ARHGEF10L: variants seen among roughly 807,000 people sequenced by gnomAD.
ARHGEF10L encodes rho guanine nucleotide exchange factor 10-like protein.
Under a neutral mutation model 141.2 loss-of-function variants are expected in ARHGEF10L, and 69 were observed. The observed-to-expected ratio is 0.49, with a 90% CI of 0.40 to 0.60. The LOEUF is 0.60. ARHGEF10L is among the 20% of genes least tolerant of loss of function. The pLI is 0.00. For missense variants in ARHGEF10L, 1,482 were observed against 1,734.3 expected (o/e 0.85, Z 2.58); for synonymous variants, 711 against 718.5 (o/e 0.99, Z 0.17).
chr1:17,695,042 T>C (rs192774896), intron 27 of ARHGEF10L, 116 bp from the exon 28 acceptor site: 1 of 1,507,618 alleles, frequency 6.6e-7, no homozygotes, highest in East Asian at 2.3e-5. Context: ...ACCGCCCAAC[T>C]TCTTGCTGGT....
At chr1:17,591,408 ATTTTTTTTTT>A (rs35249582) in intron 4 of ARHGEF10L, among the ~76,000 whole-genome samples, 4 of 121,208 alleles carry the variant, frequency 3.3e-5, no homozygotes, top group African/African-American at 1.3e-4. Context: ...ATGCCTGGCT[ATTTTTTTTTT>A]TTTTTTTTTT....
rs370922381 is a variant in ARHGEF10L at position 17,646,606 on chromosome 1, CGAA to C, written c.2273-1942_2273-1940del. ...TGCACACGTGCACATGTGCACACAA[CGAA>C]GAAGAGCCACACTGGTGGAGGAGCA... On this transcript the variant is annotated intron_variant, in intron 21 of 28. Transcript: ENST00000361221. Among the ~76,000 whole-genome samples, 20 of 152,150 alleles carry C rather than the reference CGAA, an allele frequency of 1.3e-4. No individual in the cohort carries two copies. The East Asian group carries it at 2.1e-3, about 16-fold the overall frequency.
chr1:17,633,520 T>A (rs892074622), intron 16 of ARHGEF10L, among the ~76,000 whole-genome samples: 48 of 151,968 alleles, frequency 3.2e-4, no homozygotes, highest in Admixed American at 1.4e-3. Flanking sequence ...ATTTTTTTTT[T>A]AATTGTATTT....
chr1:17,588,748 A>G (rs1014114320), intron 4 of ARHGEF10L, among the ~76,000 whole-genome samples: 2 of 151,888 alleles, frequency 1.3e-5, no homozygotes, highest in Non-Finnish European at 2.9e-5. Context: ...GGAGTCACAG[A>G]AACTCTCCAA....
intron 1 of ARHGEF10L, among the ~76,000 whole-genome samples, chr1:17,568,428 G>A (rs543708339): frequency 3.0e-4 from 46 of 152,316 alleles, no homozygotes; most frequent in African/African-American, 8.2e-4. Flanking sequence ...CGAGCACAGA[G>A]CTCAGTCTCC....
intron 4 of ARHGEF10L, among the ~76,000 whole-genome samples, chr1:17,598,939 G>A (rs2080370077): frequency 6.6e-6 from 1 of 152,120 alleles, no homozygotes; most frequent in African/African-American, 2.4e-5. Context: ...TAAGATCCCA[G>A]CTCCCACTAA....
chr1:17,696,045 A>AAAAAAT (rs554533744), intron 28 of ARHGEF10L, among the ~76,000 whole-genome samples: 1,546 of 152,050 alleles, frequency 0.01, 37 homozygotes, highest in African/African-American at 0.035. Flanking sequence ...AAAAAATAAA[A>AAAAAAT]AAAAATAAAA....
chr1:17,622,941 G>A, intron 11 of ARHGEF10L, 55 bp from the exon 12 acceptor site: 1 of 1,561,084 alleles, frequency 6.4e-7, no homozygotes, highest in East Asian at 2.2e-5. Flanking sequence ...CATGAGGGCA[G>A]GTAGGGAGAG....
rs565019612 is a variant in ARHGEF10L at position 17,621,659 on chromosome 1, C to T, written c.943-205C>T. On this transcript the variant is annotated intron_variant, in intron 10 of 28. Coordinates refer to ENST00000361221, the MANE Select transcript of ARHGEF10L (RefSeq NM_018125.4). The surrounding 1 kb of genome is among the most constrained non-coding windows in gnomAD (Gnocchi z 4.1). ...CTTTCCCTGGGATGTGCCCTTCCTC[C>T]TCCATTCTGTAGCCAGGCAGCAGGG... Among the ~76,000 whole-genome samples, 2 of 152,332 alleles carry T rather than the reference C, an allele frequency of 1.3e-5. No homozygotes were observed. Among genetic ancestry groups the T allele is most frequent in the South Asian group, 4.1e-4 (2 of 4,824 alleles).
intron 1 of ARHGEF10L, among the ~76,000 whole-genome samples, chr1:17,566,164 G>C (rs2077747263): frequency 6.6e-6 from 1 of 152,166 alleles, no homozygotes; most frequent in Non-Finnish European, 1.5e-5. Context: ...CTCTGATCCG[G>C]GTTTCCCAAC....
rs149623436 is a variant in ARHGEF10L at position 17,558,304 on chromosome 1, C to T, written c.-44+18354C>T. ...ACCCACCCGCCCATTTATTCACCCA[C>T]TCATCCACCCATCATCTCTTGAATC... On this transcript the variant is annotated intron_variant, in intron 1 of 28. Transcript: ENST00000361221. This position sits in a 1 kb window ranked among gnomAD's most constrained non-coding sequence, Gnocchi z 4.2. Among the ~76,000 whole-genome samples, 258 of 152,332 alleles carry T rather than the reference C, an allele frequency of 1.7e-3. No individual in the cohort carries two copies. The highest frequency in any genetic ancestry group is 3.0e-3 in the Non-Finnish European group (205 of 68,032).
At chr1:17,525,831 C>T in the ARHGEF10L span, among the ~76,000 whole-genome samples, 4 of 151,630 alleles carry the variant, frequency 2.6e-5, no homozygotes, top group East Asian at 1.9e-4. Flanking sequence ...GGTAAAACCC[C>T]GTCTCTGCTA....
intron 18 of ARHGEF10L, among the ~76,000 whole-genome samples, chr1:17,635,425 G>A (rs1051184284): frequency 3.3e-5 from 5 of 152,154 alleles, no homozygotes; most frequent in African/African-American, 7.2e-5. Context: ...TCCCATTGCC[G>A]GTCCTGAGGG....
Position 17,640,316 on chromosome 1 carries a change from C to T in ARHGEF10L, c.2272+14C>T. ...AAATCGGACTCCGTGAGTATAGCCCCAGGGAGAGTGCCTCAGGGGGCAGGG... is the reference window on the plus strand; with the variant it reads ...AAATCGGACTCCGTGAGTATAGCCCTAGGGAGAGTGCCTCAGGGGGCAGGG... On this transcript the variant is annotated intron_variant, in intron 21 of 28. Coordinates refer to ENST00000361221, the MANE Select transcript of ARHGEF10L (RefSeq NM_018125.4). 1 of 1,601,980 alleles carries T rather than the reference C, an allele frequency of 6.2e-7. No homozygotes were observed. The highest frequency in any genetic ancestry group is 1.1e-5 in the South Asian group (1 of 89,676).
chr1:17,621,644 G>T lies in ARHGEF10L; in HGVS notation c.943-220G>T, dbSNP rs373570766. On this transcript the variant is annotated intron_variant, in intron 10 of 28. Transcript: ENST00000361221. The surrounding 1 kb of genome is among the most constrained non-coding windows in gnomAD (Gnocchi z 4.1). ...ATGTGCACAGAGGGGCTTTCCCTGG[G>T]ATGTGCCCTTCCTCCTCCATTCTGT... Among the ~76,000 whole-genome samples, 5 of 152,324 alleles carry T rather than the reference G, an allele frequency of 3.3e-5. No homozygotes were observed. Among genetic ancestry groups the T allele is most frequent in the African/African-American group, 1.2e-4 (5 of 41,574 alleles).
upstream of ARHGEF10L, among the ~76,000 whole-genome samples, chr1:17,538,063 C>G (rs2076605296): frequency 6.6e-6 from 1 of 151,280 alleles, no homozygotes; most frequent in Non-Finnish European, 1.5e-5. Context: ...GACCCAGTCT[C>G]TTAAAAAAAA....
chr1:17,524,414 CACACACAA>C, the ARHGEF10L span, among the ~76,000 whole-genome samples: 2 of 126,318 alleles, frequency 1.6e-5, no homozygotes, highest in African/African-American at 6.2e-5. Flanking sequence ...CACACACACA[CACACACAA>C]AATTAGCCTG....
intron 1 of ARHGEF10L, among the ~76,000 whole-genome samples, chr1:17,552,579 T>TTTG (rs1557697584): frequency 9.0e-6 from 1 of 111,150 alleles, no homozygotes; most frequent in Non-Finnish European, 2.1e-5. Context: ...TCGTTTTTTT[T>TTTG]TTTTTTTTTT....
intron 4 of ARHGEF10L, among the ~76,000 whole-genome samples, chr1:17,600,175 G>T (rs889070948): frequency 2.0e-5 from 3 of 152,216 alleles, no homozygotes; most frequent in Admixed American, 6.5e-5. Context: ...CCTGTGTGGT[G>T]CTGGGAAGGT....
Sources: allele counts gnomAD v4.1 joint callset (sites outside exome capture counted in the v4.1 genomes callset), GRCh38; gene constraint gnomAD v4.1.1; non-coding constraint Gnocchi (gnomAD v3.1); transcripts MANE v1.5; gene names NCBI Gene and HGNC (gene_info 2026-07-23, HGNC 2026-07-21).